Variants in HCN1 observed in about 807,000 individuals in gnomAD.
The protein encoded by HCN1 is hyperpolarization activated cyclic nucleotide gated potassium channel 1, also known as potassium/sodium hyperpolarization-activated cyclic nucleotide-gated channel 1.
Under a neutral mutation model 78.9 loss-of-function variants are expected in HCN1, and 13 were observed. The ratio of observed to expected loss-of-function variants is 0.16; its 90% CI spans 0.11 to 0.26. The LOEUF is 0.26. Among genes scored for constraint, HCN1 ranks in the 10% least tolerant of loss-of-function variants. The pLI, the probability that HCN1 is intolerant of heterozygous loss-of-function variation, is 1.00. For synonymous variants in HCN1, 552 were observed against 455.5 expected, an observed-to-expected ratio of 1.21 and a Z score of -2.70; for missense variants, 810 against 1,154.3, an observed-to-expected ratio of 0.70 and a Z score of 4.32.
At chr5:45,513,823 C>T (rs1041512955) in intron 2 of HCN1, among the ~76,000 whole-genome samples, 1 of 152,078 alleles carries the variant, frequency 6.6e-6, no homozygotes, top group African/African-American at 2.4e-5. Flanking sequence ...GCTATAGCCC[C>T]ATTATCTATA....
intron 1 of HCN1, among the ~76,000 whole-genome samples, chr5:45,676,010 T>C (rs919223146): frequency 4.0e-5 from 6 of 151,838 alleles, no homozygotes; most frequent in African/African-American, 1.4e-4. Flanking sequence ...TCAAGACAAA[T>C]ATGGAACTGT....
chr5:45,540,487 C>T (rs1013263972), intron 2 of HCN1, among the ~76,000 whole-genome samples: 1 of 151,958 alleles, frequency 6.6e-6, no homozygotes, highest in Non-Finnish European at 1.5e-5. Flanking sequence ...CAACACCATG[C>T]CTGGCTAATT....
chr5:45,469,475 T>C (rs1741343344), intron 2 of HCN1, among the ~76,000 whole-genome samples: 2 of 151,996 alleles, frequency 1.3e-5, no homozygotes, highest in South Asian at 2.1e-4. Flanking sequence ...ATTTACAAAT[T>C]GTGCAACCAC....
chr5:45,313,153 C>A (rs181272178), intron 5 of HCN1, among the ~76,000 whole-genome samples: 6 of 152,212 alleles, frequency 3.9e-5, no homozygotes, highest in East Asian at 3.9e-4. Context: ...GGCAGAGTAC[C>A]CCTCTGAGAT....
chr5:45,292,049 T>C (rs1429996601), intron 6 of HCN1, among the ~76,000 whole-genome samples: 1 of 152,000 alleles, frequency 6.6e-6, no homozygotes, highest in Non-Finnish European at 1.5e-5. Flanking sequence ...GAATACAGTG[T>C]ATTTTCAATA....
At chr5:45,263,949 G>A (rs187320322) in intron 7 of HCN1, among the ~76,000 whole-genome samples, 1,519 of 151,870 alleles carry the variant, frequency 0.01, 23 homozygotes, top group African/African-American at 0.034. Flanking sequence ...GCCCGCCACC[G>A]TGCCCGGTTA....
chr5:45,534,549 T>C (rs1742927780), intron 2 of HCN1, among the ~76,000 whole-genome samples: 2 of 148,674 alleles, frequency 1.3e-5, no homozygotes, highest in Non-Finnish European at 3.0e-5. Flanking sequence ...TAACTATTAA[T>C]AATATGTACA....
chr5:45,471,430 C>T (rs1042202743), intron 2 of HCN1, among the ~76,000 whole-genome samples: 8 of 151,890 alleles, frequency 5.3e-5, no homozygotes, highest in Admixed American at 1.3e-4. Flanking sequence ...AGCATATCTC[C>T]GAATGTGATT....
intron 5 of HCN1, among the ~76,000 whole-genome samples, chr5:45,321,610 A>T (rs1444109050): frequency 6.7e-6 from 1 of 150,196 alleles, no homozygotes; most frequent in Non-Finnish European, 1.5e-5. Flanking sequence ...AATTTTGCCC[A>T]TTGGAGACTA....
intron 1 of HCN1, among the ~76,000 whole-genome samples, chr5:45,653,510 G>C (rs1745715379): frequency 6.6e-6 from 1 of 151,858 alleles, no homozygotes; most frequent in Non-Finnish European, 1.5e-5. Context: ...AAATTGCCTA[G>C]CAAATAGTAT....
At chr5:45,452,918 CT>C (rs751448574) in intron 3 of HCN1, among the ~76,000 whole-genome samples, 13 of 152,134 alleles carry the variant, frequency 8.5e-5, no homozygotes, top group Admixed American at 1.3e-4. Context: ...CCCTCCTATT[CT>C]TTCTTATATC....
chr5:45,342,202 T>C (rs1433583493), intron 5 of HCN1, among the ~76,000 whole-genome samples: 7 of 152,046 alleles, frequency 4.6e-5, no homozygotes, highest in Admixed American at 2.6e-4. Context: ...TTCCATTTTC[T>C]ATGATCTTTT....
At chr5:45,428,956 C>T (rs1740409374) in intron 3 of HCN1, among the ~76,000 whole-genome samples, 1 of 152,016 alleles carries the variant, frequency 6.6e-6, no homozygotes, top group Non-Finnish European at 1.5e-5. Context: ...ATTCTGTACC[C>T]AACTGGAAAA....
At chr5:45,415,948 G>T (rs1267514189) in intron 3 of HCN1, among the ~76,000 whole-genome samples, 1 of 151,992 alleles carries the variant, frequency 6.6e-6, no homozygotes, top group African/African-American at 2.4e-5. Context: ...AAGTTATGTT[G>T]TAAGTTAAAA....
intron 2 of HCN1, among the ~76,000 whole-genome samples, chr5:45,505,766 A>G (rs1742284845): frequency 6.6e-6 from 1 of 152,200 alleles, no homozygotes; most frequent in South Asian, 2.1e-4. Context: ...ATACATGCAT[A>G]TAGGTATATG....
chr5:45,396,183 T>A (rs1739683859), intron 4 of HCN1, among the ~76,000 whole-genome samples: 1 of 152,168 alleles, frequency 6.6e-6, no homozygotes, highest in Non-Finnish European at 1.5e-5. Flanking sequence ...TATTGACATA[T>A]GATAGAAAAT....
intron 2 of HCN1, among the ~76,000 whole-genome samples, chr5:45,612,621 C>T (rs1026723896): frequency 5.3e-5 from 8 of 152,144 alleles, no homozygotes; most frequent in African/African-American, 1.9e-4. Context: ...ATTTTGTTTC[C>T]TTATACTTCT....
chr5:45,294,834 C>T (rs1579786270), intron 6 of HCN1, among the ~76,000 whole-genome samples: 1 of 152,078 alleles, frequency 6.6e-6, no homozygotes, highest in South Asian at 2.1e-4. Flanking sequence ...ATAATCATGC[C>T]CCTCTTAAGA....
Position 45,363,145 on chromosome 5 carries a change from C to CATATATATACATATAT in HCN1, c.1231-9900_1231-9899insATATATGTATATATAT, listed in dbSNP as rs1554020545. On this transcript the variant is annotated intron_variant, in intron 4 of 7. Coordinates refer to ENST00000303230, the MANE Select transcript of HCN1 (RefSeq NM_021072.4). ...ATATATAACATATTATATATATATACATATATATATATATATATATATATC... is the reference window on the plus strand; with the variant it reads ...ATATATAACATATTATATATATATACATATATATACATATATATATATATATATATATATATATATC... 4.6e-5 allele frequency among the ~76,000 whole-genome samples: 6 copies of CATATATATACATATAT among 131,288 alleles called. 1 individual carries two copies. Among genetic ancestry groups the CATATATATACATATAT allele is most frequent in the African/African-American group, 1.8e-4 (6 of 33,470 alleles). 86.1% of individuals were successfully genotyped at this position (131,288 alleles called of 152,430 possible).
Sources: allele counts gnomAD v4.1 joint callset (sites outside exome capture counted in the v4.1 genomes callset), GRCh38; gene constraint gnomAD v4.1.1; transcripts MANE v1.5; gene names NCBI Gene and HGNC (gene_info 2026-07-23, HGNC 2026-07-21).